MET: variants seen among roughly 807,000 people sequenced by gnomAD.
The protein encoded by MET is MET proto-oncogene, receptor tyrosine kinase, also known as hepatocyte growth factor receptor.
In MET, 48 loss-of-function variants were observed where a neutral mutation model predicts 133.1. The observed-to-expected ratio is 0.36, with a 90% CI of 0.29 to 0.46. The LOEUF is 0.46. Ranked by LOEUF, MET falls within the 20% of genes least tolerant of loss-of-function variation. The pLI is 1.00. For synonymous variants in MET, 628 were observed against 616.5 expected (o/e 1.02, Z -0.28); for missense variants, 1,442 against 1,695.9 (o/e 0.85, Z 2.63).
chr7:116,713,474 A>ACAT (rs1402504699), intron 2 of MET, among the ~76,000 whole-genome samples: 2 of 152,034 alleles, frequency 1.3e-5, no homozygotes, highest in Non-Finnish European at 2.9e-5. Flanking sequence ...CAGGATCGTA[A>ACAT]TCCCAGTGGC....
intron 5 of MET, among the ~76,000 whole-genome samples, chr7:116,754,955 A>G (rs1482038148): frequency 7.7e-6 from 1 of 129,544 alleles, no homozygotes; most frequent in Admixed American, 8.0e-5. Flanking sequence ...AAGAAAGAGA[A>G]AGAAAGAGAA....
chr7:116,697,693 T>A (rs557972178), intron 1 of MET, among the ~76,000 whole-genome samples: 2 of 152,342 alleles, frequency 1.3e-5, no homozygotes, highest in African/African-American at 4.8e-5. Context: ...GATACAATGA[T>A]GAGCCAAGCA....
intron 2 of MET, among the ~76,000 whole-genome samples, chr7:116,728,879 A>T (rs1792890619): frequency 6.6e-6 from 1 of 152,214 alleles, no homozygotes; most frequent in Admixed American, 6.5e-5. Context: ...CACCAGGTCA[A>T]GTTTGAGGCT....
chr7:116,714,327 A>G (rs1792111490), intron 2 of MET, among the ~76,000 whole-genome samples: 1 of 152,240 alleles, frequency 6.6e-6, no homozygotes, highest in African/African-American at 2.4e-5. Flanking sequence ...ATGCGTTTGT[A>G]TACATATGTA....
intron 6 of MET, among the ~76,000 whole-genome samples, chr7:116,756,622 A>C (rs1794186307): frequency 6.6e-6 from 1 of 152,334 alleles, no homozygotes; most frequent in South Asian, 2.1e-4. Context: ...ATTTTCTCAG[A>C]ACTATATGAT....
At chr7:116,710,517 AGTAG>A (rs979154714) in intron 2 of MET, among the ~76,000 whole-genome samples, 4 of 152,152 alleles carry the variant, frequency 2.6e-5, no homozygotes, top group Admixed American at 6.5e-5. Context: ...TTTTAGGCTG[AGTAG>A]GTAGCATAAT....
At chr7:116,779,053 C>G in intron 17 of MET, 96 bp downstream of exon 17, 1 of 1,211,032 alleles carries the variant, frequency 8.3e-7, no homozygotes, top group Non-Finnish European at 1.2e-6. Flanking sequence ...AAGCTAGTAG[C>G]CAAAGATGCA....
chr7:116,750,989 T>G (rs1008564654), intron 5 of MET, among the ~76,000 whole-genome samples: 1 of 152,204 alleles, frequency 6.6e-6, no homozygotes, highest in Non-Finnish European at 1.5e-5. Context: ...GTAAATTAGT[T>G]CAACCATTGT....
At chr7:116,779,642 C>A (rs1795096047) in intron 17 of MET, among the ~76,000 whole-genome samples, 1 of 152,044 alleles carries the variant, frequency 6.6e-6, no homozygotes. Context: ...TGGCCATGAG[C>A]CACATGTAAA....
chr7:116,689,940 G>T (rs1289433626), intron 1 of MET, among the ~76,000 whole-genome samples: 10 of 151,956 alleles, frequency 6.6e-5, no homozygotes, highest in Admixed American at 2.0e-4. Context: ...TGTTACTGTG[G>T]CTTCTGTCTT....
intron 11 of MET, 76 bp downstream of exon 11, chr7:116,763,344 G>A (rs1794478554): frequency 7.7e-7 from 1 of 1,302,192 alleles, no homozygotes; most frequent in South Asian, 1.2e-5. Context: ...GAATACAATT[G>A]TTGTACTTGG....
At chr7:116,745,307 A>T (rs1793624745) in intron 5 of MET, among the ~76,000 whole-genome samples, 1 of 152,236 alleles carries the variant, frequency 6.6e-6, no homozygotes, top group South Asian at 2.1e-4. Flanking sequence ...AGAATATTCC[A>T]TGCTCATGGA....
At chr7:116,687,356 A>T (rs1331924184) in intron 1 of MET, among the ~76,000 whole-genome samples, 1 of 152,354 alleles carries the variant, frequency 6.6e-6, no homozygotes, top group East Asian at 1.9e-4. Flanking sequence ...TCCTAGTTTT[A>T]TGAGAATCTA....
intron 19 of MET, among the ~76,000 whole-genome samples, chr7:116,791,365 A>T (rs958057365): frequency 6.6e-6 from 1 of 151,988 alleles, no homozygotes; most frequent in African/African-American, 2.4e-5. Flanking sequence ...CGCACTTGAC[A>T]TTGTCAGCTT....
In MET at chr7:116,792,037, T is replaced by G. The variant is rs190895070; in HGVS notation, c.3799-3618T>G. ...CTTCAAAAAGCAAAAGTTTTTGATTTTGTTGAAAATTTTATCAGTTTACCA... is the reference window on the plus strand; with the variant it reads ...CTTCAAAAAGCAAAAGTTTTTGATTGTGTTGAAAATTTTATCAGTTTACCA... On this transcript the variant is annotated intron_variant, in intron 19 of 20. Transcript: ENST00000397752. Among the ~76,000 whole-genome samples the G allele has an allele frequency of 2.1e-3, 318 of 152,288 alleles. 1 individual carries two copies. Among genetic ancestry groups the G allele is most frequent in the African/African-American group, 7.1e-3 (297 of 41,580 alleles).
Position 116,796,309 on chromosome 7 carries a change from T to G in MET, c.*185T>G. On this transcript the variant is annotated 3_prime_UTR_variant, in exon 21 of 21. Coordinates refer to ENST00000397752, the MANE Select transcript of MET (RefSeq NM_000245.4). The stretch of plus-strand genomic sequence containing the variant: ...CTGACAGAGCATCAGAACCAGAGGC[T>G]TGGTCCCACAGGCCACGGACCAATG... 1.5e-6 allele frequency: 1 copy of G among 652,994 alleles called. No individual in the cohort carries two copies. Among genetic ancestry groups the G allele is most frequent in the Non-Finnish European group, 2.7e-6 (1 of 372,466 alleles). 40.4% of individuals were successfully genotyped at this position (652,994 alleles called of 1,614,324 possible).
chr7:116,748,864 A>G (rs149927169), intron 5 of MET, among the ~76,000 whole-genome samples: 5,071 of 152,358 alleles, frequency 0.033, 116 homozygotes, highest in Non-Finnish European at 0.052. Flanking sequence ...GAAGAAATGG[A>G]TAAATTCCTG....
intron 1 of MET, among the ~76,000 whole-genome samples, chr7:116,690,933 T>C (rs1796761629): frequency 6.6e-6 from 1 of 152,234 alleles, no homozygotes; most frequent in Admixed American, 6.5e-5. Flanking sequence ...TTAAATGTCA[T>C]TAGGAATCTT....
chr7:116,743,717 CT>C (rs1793550108), intron 5 of MET, among the ~76,000 whole-genome samples: 1 of 152,236 alleles, frequency 6.6e-6, no homozygotes. Flanking sequence ...AAGTGGGCCC[CT>C]GACCCCTGTG....
Sources: gnomAD v4.1 joint callset for allele counts (sites outside exome capture counted in the v4.1 genomes callset) on GRCh38, gnomAD v4.1.1 for gene constraint, MANE v1.5 for transcripts, NCBI Gene and HGNC (gene_info 2026-07-23, HGNC 2026-07-21) for gene names.